CLEC16A: variants seen among roughly 807,000 people sequenced by gnomAD.
The protein encoded by CLEC16A is C-type lectin domain containing 16A.
Under a neutral mutation model 109.5 loss-of-function variants are expected in CLEC16A, and 51 were observed. The observed-to-expected ratio is 0.47, with a 90% confidence interval of 0.37 to 0.59. CLEC16A has a LOEUF of 0.59. Ranked by LOEUF, CLEC16A falls within the 20% of genes least tolerant of loss-of-function variation. The probability of loss-of-function intolerance (pLI) is 0.00; values close to 1 mark genes in which losing one functional copy is unlikely to be tolerated. For missense variants in CLEC16A, 1,339 were observed against 1,394.0 expected, an observed-to-expected ratio of 0.96 and a Z score of 0.63; for synonymous variants, 673 against 564.2, an observed-to-expected ratio of 1.19 and a Z score of -2.73.
chr16:11,127,377 A>T (rs1378294054), intron 22 of CLEC16A, among the ~76,000 whole-genome samples: 2 of 152,214 alleles, frequency 1.3e-5, no homozygotes, highest in Non-Finnish European at 2.9e-5. Flanking sequence ...TTGCTCTTAC[A>T]GTGTCACAGT....
In CLEC16A at chr16:10,973,523, T is replaced by G. The variant is rs1596820987; in HGVS notation, c.728+462T>G. 2.0e-5 allele frequency among the ~76,000 whole-genome samples: 3 copies of G among 152,182 alleles called. No individual in the cohort carries two copies. The South Asian group carries it at 6.2e-4, about 31-fold the overall frequency. On this transcript the variant is annotated intron_variant, in intron 7 of 23. Coordinates refer to ENST00000409790, the MANE Select transcript of CLEC16A (RefSeq NM_015226.3). ...AAGTAGATTCGTGGTTTCCTAGGGC[T>G]AGGATGTTGTGTGGGGACATAGGAA...
intron 13 of CLEC16A, among the ~76,000 whole-genome samples, chr16:11,035,471 G>T (rs1165473180): frequency 1.3e-5 from 2 of 152,220 alleles, no homozygotes; most frequent in African/African-American, 4.8e-5. Flanking sequence ...GAGGGAAAGA[G>T]CGTTAACCAG....
At chr16:11,098,015 C>T (rs1290099364) in intron 19 of CLEC16A, among the ~76,000 whole-genome samples, 1 of 152,194 alleles carries the variant, frequency 6.6e-6, no homozygotes, top group Admixed American at 6.5e-5. Context: ...GGTAGAATCA[C>T]TTGGAGAGCT....
chr16:11,107,350 GC>G lies in CLEC16A; in HGVS notation c.2117-13260del, dbSNP rs532542270. Among the ~76,000 whole-genome samples, 300 of 152,070 alleles carry G rather than the reference GC, an allele frequency of 2.0e-3. 6 individuals are homozygous for G. The highest frequency in any genetic ancestry group is 4.7e-4 in the Non-Finnish European group (32 of 68,002). On this transcript the variant is annotated intron_variant, in intron 19 of 23. Coordinates refer to ENST00000409790, the MANE Select transcript of CLEC16A (RefSeq NM_015226.3). ...CCAGGAAATATCACACTTCACAACT[GC>G]CCCCTTTTCATGCTGGGAAGGAATG...
At chr16:11,124,238 A>T (rs1466545996) in intron 21 of CLEC16A, among the ~76,000 whole-genome samples, 1 of 152,196 alleles carries the variant, frequency 6.6e-6, no homozygotes, top group Non-Finnish European at 1.5e-5. Flanking sequence ...TGAAATTCTC[A>T]AGCATATGTT....
At chr16:11,086,837 C>G (rs569156260) in intron 19 of CLEC16A, among the ~76,000 whole-genome samples, 1 of 152,322 alleles carries the variant, frequency 6.6e-6, no homozygotes, top group East Asian at 1.9e-4. Flanking sequence ...CTGGTGTCAT[C>G]TTTTAAGTCA....
intron 22 of CLEC16A, among the ~76,000 whole-genome samples, chr16:11,129,741 G>A (rs964850111): frequency 1.3e-5 from 2 of 150,238 alleles, no homozygotes; most frequent in African/African-American, 2.5e-5. Context: ...GTCCCCTCCC[G>A]CCACTGCATT....
At chr16:10,989,230 T>TTTTTTG (rs1191041861) in intron 10 of CLEC16A, among the ~76,000 whole-genome samples, 1 of 10,738 alleles carries the variant, frequency 9.3e-5, no homozygotes. Flanking sequence ...TTGTTTTTTG[T>TTTTTTG]TTTTTTTTGA....
chr16:10,957,771 A>T lies in CLEC16A; in HGVS notation c.81-11A>T. Reference sequence around the variant, plus strand: ...GTAACCTTTAATTTCCTTTTCTCTCATTTCTCTCAGGTATCTGTACCACGT... The same window carrying T: ...GTAACCTTTAATTTCCTTTTCTCTCTTTTCTCTCAGGTATCTGTACCACGT... On this transcript the variant is annotated splice_polypyrimidine_tract_variant and intron_variant, in intron 1 of 23. Coordinates refer to ENST00000409790, the MANE Select transcript of CLEC16A (RefSeq NM_015226.3). 6 of 1,613,612 alleles carry T rather than the reference A, an allele frequency of 3.7e-6. No homozygotes were observed. The highest frequency in any genetic ancestry group is 2.2e-5 in the East Asian group (1 of 44,868).
chr16:11,059,844 CAG>C (rs1310776713), intron 18 of CLEC16A, among the ~76,000 whole-genome samples: 5 of 152,220 alleles, frequency 3.3e-5, no homozygotes, highest in African/African-American at 1.2e-4. Context: ...TCACAGAAGT[CAG>C]GGGACTTGCC....
At chr16:11,171,306 C>T (rs1023797978) in intron 23 of CLEC16A, among the ~76,000 whole-genome samples, 5 of 152,222 alleles carry the variant, frequency 3.3e-5, no homozygotes, top group African/African-American at 9.6e-5. Context: ...GAGCCTCCTT[C>T]GCACGCCAGA....
intron 4 of CLEC16A, among the ~76,000 whole-genome samples, chr16:10,969,730 C>G (rs1000337567): frequency 6.6e-6 from 1 of 152,118 alleles, no homozygotes; most frequent in Admixed American, 6.5e-5. Flanking sequence ...CAGATGTTGT[C>G]TTGGGGAAGT....
At chr16:10,949,089 A>T (rs1412408140) in intron 1 of CLEC16A, among the ~76,000 whole-genome samples, 3 of 152,164 alleles carry the variant, frequency 2.0e-5, no homozygotes. Context: ...GAATGAGAGA[A>T]AAGAGTGGTT....
At chr16:11,081,289 A>T (rs1318368049) in intron 19 of CLEC16A, among the ~76,000 whole-genome samples, 1 of 152,102 alleles carries the variant, frequency 6.6e-6, no homozygotes, top group East Asian at 1.9e-4. Context: ...TTGTTGGTAC[A>T]AGTTAAAATT....
chr16:11,170,201 G>T (rs957217577), intron 23 of CLEC16A, among the ~76,000 whole-genome samples: 2 of 152,192 alleles, frequency 1.3e-5, no homozygotes, highest in African/African-American at 4.8e-5. Flanking sequence ...TCCAACGTGC[G>T]TGGCTGCTCT....
At chr16:11,090,616 G>T (rs933631976) in intron 19 of CLEC16A, among the ~76,000 whole-genome samples, 2 of 152,038 alleles carry the variant, frequency 1.3e-5, no homozygotes, top group Admixed American at 6.6e-5. Context: ...TGTTTTAGGA[G>T]GCTCTCTGGA....
chr16:10,973,099 G>A lies in CLEC16A; in HGVS notation c.728+38G>A, dbSNP rs756961374. On this transcript the variant is annotated intron_variant, in intron 7 of 23. Coordinates refer to ENST00000409790, the MANE Select transcript of CLEC16A (RefSeq NM_015226.3). ...CCCAGGGCCACTCAGTAGATAGACA[G>A]GGTGGTTAGGGGAGAATTCTGTTTT... The A allele has an allele frequency of 3.2e-6, 5 of 1,555,964 alleles. No homozygotes were observed. The South Asian group carries it at 4.8e-5, about 15-fold the overall frequency.
chr16:11,066,609 T>C (rs1260125510), intron 19 of CLEC16A: 2 of 152,232 alleles, frequency 1.3e-5, no homozygotes, highest in Non-Finnish European at 2.9e-5. Context: ...CTGCATGATA[T>C]TCTGTTGTCT....
intron 13 of CLEC16A, among the ~76,000 whole-genome samples, chr16:11,028,374 A>G (rs2046544155): frequency 6.6e-6 from 1 of 152,060 alleles, no homozygotes; most frequent in Admixed American, 6.6e-5. Context: ...AATGTTGGTA[A>G]ATGAGTCACT....
Sources: allele counts gnomAD v4.1 joint callset (sites outside exome capture counted in the v4.1 genomes callset), GRCh38; gene constraint gnomAD v4.1.1; transcripts MANE v1.5; gene names NCBI Gene and HGNC (gene_info 2026-07-23, HGNC 2026-07-21).